Variants in FBXL13 observed in about 807,000 individuals in gnomAD.
FBXL13 encodes the protein F-box and leucine rich repeat protein 13.
A neutral mutation model predicts 83.6 loss-of-function variants in FBXL13; 67 were observed. That is an observed-to-expected ratio of 0.80 (90% confidence interval 0.66 to 0.98). The LOEUF (loss-of-function observed/expected upper bound fraction) is 0.98, where lower values mean the gene tolerates loss of function less well. FBXL13 is among the 50% of genes least tolerant of loss of function. FBXL13 has a pLI of 0.00. For synonymous variants in FBXL13, 272 were observed against 299.5 expected (o/e 0.91, Z 0.95); for missense variants, 822 against 866.5 (o/e 0.95, Z 0.64).
chr7:103,073,124 T>C (rs1435609147), intron 1 of FBXL13, among the ~76,000 whole-genome samples: 2 of 152,220 alleles, frequency 1.3e-5, no homozygotes. Flanking sequence ...GAATTCTCCA[T>C]CTTTTCCCCC....
At chr7:103,066,940 C>T (rs1023476410) in intron 1 of FBXL13, among the ~76,000 whole-genome samples, 13 of 151,886 alleles carry the variant, frequency 8.6e-5, no homozygotes, top group African/African-American at 2.7e-4. Flanking sequence ...TAAAGGCATG[C>T]GCCACCACGC....
At chr7:102,893,275 C>G (rs1287134849) in intron 11 of FBXL13, among the ~76,000 whole-genome samples, 1 of 152,204 alleles carries the variant, frequency 6.6e-6, no homozygotes, top group South Asian at 2.1e-4. Flanking sequence ...TTTCTCCAAT[C>G]TTGCTCCTTT....
At chr7:102,995,344 G>A (rs748125600) in intron 6 of FBXL13, among the ~76,000 whole-genome samples, 10 of 151,868 alleles carry the variant, frequency 6.6e-5, no homozygotes, top group Non-Finnish European at 1.3e-4. Context: ...AGCTGGGCGT[G>A]GTGGTGGGTG....
chr7:102,883,255 C>T (rs1185194967), intron 14 of FBXL13, 50 bp downstream of exon 15: 9 of 1,540,438 alleles, frequency 5.8e-6, no homozygotes, highest in Non-Finnish European at 7.9e-6. Flanking sequence ...GAACCTGGCA[C>T]ATACTAGATA....
At chr7:102,969,825 AGAGGGGAGGGGAGGG>A (rs1349717452) in intron 6 of FBXL13, among the ~76,000 whole-genome samples, 1 of 90,122 alleles carries the variant, frequency 1.1e-5, no homozygotes, top group African/African-American at 4.5e-5. Flanking sequence ...GAAAGGGAGG[AGAGGGGAGGGGAGGG>A]GAGGGGAGGG....
At chr7:102,907,842 T>C (rs1439248493) in intron 11 of FBXL13, among the ~76,000 whole-genome samples, 3 of 152,104 alleles carry the variant, frequency 2.0e-5, no homozygotes, top group Non-Finnish European at 4.4e-5. Flanking sequence ...ATCAGAGAAA[T>C]ACAAATCAAA....
intron 17 of FBXL13, among the ~76,000 whole-genome samples, chr7:102,847,332 G>A (rs775090759): frequency 6.6e-6 from 1 of 152,146 alleles, no homozygotes; most frequent in Non-Finnish European, 1.5e-5. Flanking sequence ...GGCCATGTAA[G>A]AGGCAGAATT....
At chr7:103,009,251 G>T (rs536116915) in intron 6 of FBXL13, among the ~76,000 whole-genome samples, 2 of 152,072 alleles carry the variant, frequency 1.3e-5, no homozygotes, top group Non-Finnish European at 2.9e-5. Context: ...GCTCATGTGC[G>T]CCACTCTCAC....
At chr7:103,058,739 T>C (rs1043664623) in intron 1 of FBXL13, among the ~76,000 whole-genome samples, 4 of 152,246 alleles carry the variant, frequency 2.6e-5, no homozygotes, top group Non-Finnish European at 5.9e-5. Context: ...TGTCTGAGAA[T>C]GAGTGCCTAA....
intron 16 of FBXL13, among the ~76,000 whole-genome samples, chr7:102,875,082 C>T (rs1563026768): frequency 6.6e-6 from 1 of 152,154 alleles, no homozygotes; most frequent in Non-Finnish European, 1.5e-5. Flanking sequence ...TGCTTTGATT[C>T]TCTACTTCTT....
At chr7:102,882,435 C>CCTG (rs1282529927) in intron 14 of FBXL13, among the ~76,000 whole-genome samples, 2 of 152,188 alleles carry the variant, frequency 1.3e-5, no homozygotes, top group African/African-American at 4.8e-5. Context: ...AGAGTCTGAG[C>CCTG]TACCCACTGG....
intron 8 of FBXL13, among the ~76,000 whole-genome samples, chr7:102,935,951 ATGT>A (rs942000940): frequency 6.6e-6 from 1 of 152,106 alleles, no homozygotes; most frequent in Non-Finnish European, 1.5e-5. Context: ...GAATTTATTA[ATGT>A]TGTCAGGCAT....
chr7:102,976,712 CA>C (rs995490857), intron 6 of FBXL13, among the ~76,000 whole-genome samples: 1 of 152,168 alleles, frequency 6.6e-6, no homozygotes, highest in Non-Finnish European at 1.5e-5. Flanking sequence ...TCCCATCCCC[CA>C]AGCAGCTCTC....
At chr7:103,063,342 C>A (rs1308818074) in intron 1 of FBXL13, among the ~76,000 whole-genome samples, 1 of 152,144 alleles carries the variant, frequency 6.6e-6, no homozygotes, top group Admixed American at 6.5e-5. Context: ...ATAGCATTTA[C>A]ATTGTATTAG....
chr7:102,886,118 A>G (rs1810761859), intron 11 of FBXL13, among the ~76,000 whole-genome samples: 1 of 152,246 alleles, frequency 6.6e-6, no homozygotes, highest in Admixed American at 6.5e-5. Flanking sequence ...ACTGATTCAA[A>G]GATCAAAATA....
Position 102,835,213 on chromosome 7 carries a change from G to A in FBXL13, c.1720-2239C>T, listed in dbSNP as rs1801660597. 2.6e-5 allele frequency among the ~76,000 whole-genome samples: 4 copies of A among 152,066 alleles called. No individual in the cohort carries two copies. The South Asian group carries it at 8.3e-4, about 32-fold the overall frequency. On this transcript the variant is annotated intron_variant, in intron 17 of 19. Transcript: ENST00000313221. ...CACTTAGGGTATTTGACTCATTCCT[G>A]TACTGCATGAAAGTCTGTCTTGTCT...
intron 11 of FBXL13, among the ~76,000 whole-genome samples, chr7:102,889,337 C>T (rs1261560851): frequency 6.6e-6 from 1 of 152,194 alleles, no homozygotes; most frequent in Non-Finnish European, 1.5e-5. Flanking sequence ...ATGGCAGAGC[C>T]AGGGCTAGAG....
At chr7:103,002,209 CA>C (rs917693097) in intron 6 of FBXL13, among the ~76,000 whole-genome samples, 2 of 151,584 alleles carry the variant, frequency 1.3e-5, no homozygotes, top group African/African-American at 4.8e-5. Flanking sequence ...ATGAGAATTA[CA>C]AAAAAAATCT....
At chr7:103,041,841 T>C (rs1041708406) in intron 2 of FBXL13, among the ~76,000 whole-genome samples, 5 of 152,126 alleles carry the variant, frequency 3.3e-5, no homozygotes, top group African/African-American at 9.7e-5. Context: ...TAAGAGCTAT[T>C]TATGACAAAC....
Sources: allele counts gnomAD v4.1 joint callset (sites outside exome capture counted in the v4.1 genomes callset), GRCh38; gene constraint gnomAD v4.1.1; transcripts MANE v1.5; gene names NCBI Gene and HGNC (gene_info 2026-07-23, HGNC 2026-07-21).